CTNNA2: variants seen among roughly 807,000 people sequenced by gnomAD.
CTNNA2 encodes the protein catenin alpha 2.
A neutral mutation model predicts 101.0 loss-of-function variants in CTNNA2; 42 were observed. The observed-to-expected ratio is 0.42, with a 90% confidence interval of 0.32 to 0.54. The LOEUF (loss-of-function observed/expected upper bound fraction) is 0.54, where lower values mean the gene tolerates loss of function less well. Ranked by LOEUF, CTNNA2 falls within the 20% of genes least tolerant of loss-of-function variation. CTNNA2 has a pLI of 0.14. For missense variants in CTNNA2, 871 were observed against 1,223.1 expected (o/e 0.71, Z 4.29); for synonymous variants, 450 against 456.4 (o/e 0.99, Z 0.18).
chr2:79,277,177 C>A (rs897730429), intron 2 of CTNNA2, among the ~76,000 whole-genome samples: 4 of 152,084 alleles, frequency 2.6e-5, no homozygotes, highest in African/African-American at 7.2e-5. Flanking sequence ...CTGCTTGCAC[C>A]AGGATTGCAA....
At chr2:79,631,388 C>T (rs143469594) in intron 1 of CTNNA2, among the ~76,000 whole-genome samples, 3 of 148,592 alleles carry the variant, frequency 2.0e-5, no homozygotes, top group Non-Finnish European at 3.0e-5. Context: ...TTGGGGCCCA[C>T]GCTGAAAGAA....
At chr2:80,111,155 G>C (rs116118177) in intron 7 of CTNNA2, among the ~76,000 whole-genome samples, 1 of 152,052 alleles carries the variant, frequency 6.6e-6, no homozygotes, top group African/African-American at 2.4e-5. Flanking sequence ...ACCTCCCACC[G>C]GTTCCCTCCT....
rs547284633 is a variant in CTNNA2, at chr2:79,802,575, A to G, written c.299-55438A>G. ...GCGGCTGGATTACGGGCCTTTTCCT[A>G]CCCTAGGAAGGCCTCTAAAGAAAAT... On this transcript the variant is annotated intron_variant, in intron 3 of 18. Transcript: ENST00000402739. Among the ~76,000 whole-genome samples, 15 of 152,196 alleles carry G rather than the reference A, an allele frequency of 9.9e-5. 1 individual carries two copies. In the South Asian group the frequency reaches 3.1e-3, roughly 32 times the overall value.
intron 7 of CTNNA2, among the ~76,000 whole-genome samples, chr2:80,337,137 C>T (rs749860196): frequency 4.6e-5 from 7 of 152,054 alleles, no homozygotes; most frequent in Non-Finnish European, 8.8e-5. Flanking sequence ...GGGCAGATCA[C>T]GAGGTCAGGA....
intron 7 of CTNNA2, among the ~76,000 whole-genome samples, chr2:80,247,300 A>G (rs974301413): frequency 6.6e-6 from 1 of 152,182 alleles, no homozygotes; most frequent in Non-Finnish European, 1.5e-5. Context: ...AATAGCACTC[A>G]TAATAACTGT....
chr2:79,929,406 A>T (rs1687239016), intron 7 of CTNNA2, among the ~76,000 whole-genome samples: 1 of 152,232 alleles, frequency 6.6e-6, no homozygotes, highest in Admixed American at 6.5e-5. Context: ...ATGTATGACC[A>T]CAGGGAAATA....
At chr2:79,663,349 T>C (rs1558814931) in intron 2 of CTNNA2, among the ~76,000 whole-genome samples, 1 of 152,210 alleles carries the variant, frequency 6.6e-6, no homozygotes, top group Non-Finnish European at 1.5e-5. Context: ...CTGCAAATGA[T>C]TTTCATTGCA....
At chr2:80,527,361 G>T (rs1179164252) in intron 9 of CTNNA2, among the ~76,000 whole-genome samples, 1 of 152,186 alleles carries the variant, frequency 6.6e-6, no homozygotes, top group Non-Finnish European at 1.5e-5. Context: ...ATGCTTTGGA[G>T]CCACCAGAAG....
intron 15 of CTNNA2, among the ~76,000 whole-genome samples, chr2:80,589,905 T>TGTGTGTGTGTGC (rs1491383706): frequency 8.7e-4 from 100 of 114,546 alleles, no homozygotes; most frequent in African/African-American, 2.9e-3. Context: ...TGTGTGTGTG[T>TGTGTGTGTGTGC]GCGCGCGCGC....
rs115977744 is a variant in CTNNA2 at position 79,463,081 on chromosome 2, G to T, written c.-134-41973G>T. On this transcript the variant is annotated intron_variant, in intron 4 of 21. Transcript: ENST00000466387. Reference sequence around the variant, plus strand: ...CTGGTCATATAGAGTTAGGTTTGAGGACAGGAGGAAAACTGTGCTAACATA... The same window carrying T: ...CTGGTCATATAGAGTTAGGTTTGAGTACAGGAGGAAAACTGTGCTAACATA... Among the ~76,000 whole-genome samples the T allele has an allele frequency of 3.1e-3, 466 of 152,212 alleles. 3 individuals carry two copies. Among genetic ancestry groups the T allele is most frequent in the African/African-American group, 1.0e-2 (414 of 41,526 alleles).
At chr2:79,419,843 A>T (rs944962648) in intron 4 of CTNNA2, among the ~76,000 whole-genome samples, 1 of 152,002 alleles carries the variant, frequency 6.6e-6, no homozygotes, top group African/African-American at 2.4e-5. Context: ...GAAGGACATG[A>T]CCCCACCCTT....
At chr2:80,052,363 T>C (rs980590975) in intron 7 of CTNNA2, among the ~76,000 whole-genome samples, 1 of 152,336 alleles carries the variant, frequency 6.6e-6, no homozygotes, top group African/African-American at 2.4e-5. Flanking sequence ...CATGCACATA[T>C]ACAAAAGTGT....
At chr2:80,575,737 T>G (rs543542434) in intron 13 of CTNNA2, among the ~76,000 whole-genome samples, 6 of 152,154 alleles carry the variant, frequency 3.9e-5, no homozygotes, top group Non-Finnish European at 8.8e-5. Context: ...ATGAGAAAGT[T>G]TATAGCCATC....
intron 7 of CTNNA2, among the ~76,000 whole-genome samples, chr2:80,107,540 A>G (rs546211588): frequency 6.6e-6 from 1 of 152,136 alleles, no homozygotes; most frequent in Non-Finnish European, 1.5e-5. Context: ...AGCCATTTCC[A>G]TCACTTAATA....
rs1305051973 is a variant in CTNNA2, at chr2:80,581,771, A to T, written c.1959A>T (p.Thr653=). 1 of 1,613,394 alleles carries T rather than the reference A, an allele frequency of 6.2e-7. No homozygotes were observed. The highest frequency in any genetic ancestry group is 8.5e-7 in the Non-Finnish European group (1 of 1,179,498). Reference sequence around the variant, plus strand: ...AAGATTATGATGTGCGTAGCAGGACAAGTGTTCAGACTGAGGATGACCAGC... The same window carrying T: ...AAGATTATGATGTGCGTAGCAGGACTAGTGTTCAGACTGAGGATGACCAGC... The part of the protein sequence containing the change: ...EQEDYDVRSR[T]SVQTEDDQLI... Residue 653 remains threonine (T), a synonymous_variant, in exon 14 of 19, where the codon ACA becomes ACT. Coordinates refer to ENST00000402739, the MANE Select transcript of CTNNA2 (RefSeq NM_001282597.3).
At chr2:80,523,308 G>A (rs1420704039) in intron 9 of CTNNA2, among the ~76,000 whole-genome samples, 5 of 152,086 alleles carry the variant, frequency 3.3e-5, no homozygotes, top group Non-Finnish European at 5.9e-5. Flanking sequence ...ATATGAAGTC[G>A]GTCCCGGTGC....
In CTNNA2 at chr2:80,197,595, C is replaced by G. The variant is rs115412822; in HGVS notation, c.1057-195616C>G. On this transcript the variant is annotated intron_variant, in intron 7 of 18. Transcript: ENST00000402739. ...AATCTTTTTGACTCCCAAGTCTGTG[C>G]TCTCCCACCTCAGAACATTCATTTT... Among the ~76,000 whole-genome samples, 815 of 152,234 alleles carry G rather than the reference C, an allele frequency of 5.4e-3. 9 individuals carry two copies. Among genetic ancestry groups the G allele is most frequent in the African/African-American group, 0.019 (781 of 41,538 alleles).
chr2:79,773,127 G>A lies in CTNNA2; in HGVS notation c.298+28545G>A, dbSNP rs1311543302. Among the ~76,000 whole-genome samples the A allele has an allele frequency of 2.0e-5, 3 of 152,182 alleles. No individual in the cohort carries two copies. The East Asian group carries it at 5.8e-4, about 29-fold the overall frequency. On this transcript the variant is annotated intron_variant, in intron 3 of 18. Transcript: ENST00000402739. ...AGCCATGAAGACTAGAAAGGTTGGA[G>A]TGAACAGCCATAACCCATAAACTGG...
chr2:79,444,906 A>T (rs748851336), intron 4 of CTNNA2, among the ~76,000 whole-genome samples: 17 of 152,158 alleles, frequency 1.1e-4, no homozygotes, highest in Admixed American at 5.2e-4. Context: ...CTCCTTCCTC[A>T]GAATGAATTA....
Sources: allele counts gnomAD v4.1 joint callset (sites outside exome capture counted in the v4.1 genomes callset), GRCh38; gene constraint gnomAD v4.1.1; transcripts MANE v1.5; gene names NCBI Gene and HGNC (gene_info 2026-07-23, HGNC 2026-07-21).